Variants in MYO3A observed in about 807,000 individuals in gnomAD.
The protein encoded by MYO3A is myosin-IIIa.
A neutral mutation model predicts 192.7 loss-of-function variants in MYO3A; 180 were observed. The observed-to-expected ratio is 0.93, with a 90% CI of 0.83 to 1.06. The LOEUF is 1.06. Among genes scored for constraint, MYO3A ranks in the 50% least tolerant of loss-of-function variants. MYO3A has a pLI of 0.00. For synonymous variants in MYO3A, 628 were observed against 645.3 expected (o/e 0.97, Z 0.41); for missense variants, 1,896 against 1,905.0 (o/e 1.00, Z 0.09).
intron 21 of MYO3A, among the ~76,000 whole-genome samples, chr10:26,144,338 A>G (rs1840333809): frequency 6.6e-6 from 1 of 152,102 alleles, no homozygotes; most frequent in Non-Finnish European, 1.5e-5. Context: ...GTGGATTCAC[A>G]TCTTTCTGTC....
At chr10:25,954,082 C>T (rs950349435) in intron 3 of MYO3A, among the ~76,000 whole-genome samples, 1 of 151,998 alleles carries the variant, frequency 6.6e-6, no homozygotes, top group Non-Finnish European at 1.5e-5. Context: ...TTTACAGTAA[C>T]CAGCTCTGAC....
At chr10:26,175,355 T>G (rs745847969) in intron 30 of MYO3A, among the ~76,000 whole-genome samples, 3 of 152,266 alleles carry the variant, frequency 2.0e-5, no homozygotes, top group Non-Finnish European at 2.9e-5. Flanking sequence ...AATCACTTTA[T>G]GTGTTAGCAC....
chr10:26,004,778 C>T (rs976265007), intron 6 of MYO3A, among the ~76,000 whole-genome samples: 1 of 152,092 alleles, frequency 6.6e-6, no homozygotes, highest in Non-Finnish European at 1.5e-5. Context: ...ACTAATATTG[C>T]TGGTAATGAT....
intron 20 of MYO3A, among the ~76,000 whole-genome samples, chr10:26,129,371 T>C (rs1283247913): frequency 2.0e-5 from 3 of 152,194 alleles, no homozygotes; most frequent in South Asian, 2.1e-4. Flanking sequence ...CTCTTTTTCA[T>C]CTATCCCAGG....
intron 2 of MYO3A, among the ~76,000 whole-genome samples, chr10:25,946,108 T>TA (rs910376885): frequency 2.6e-5 from 4 of 152,158 alleles, no homozygotes; most frequent in African/African-American, 7.2e-5. Context: ...AAATTCAAGA[T>TA]AAAAAAAGTG....
intron 10 of MYO3A, among the ~76,000 whole-genome samples, chr10:26,057,778 AGT>A (rs1405870993): frequency 6.6e-6 from 1 of 152,216 alleles, no homozygotes; most frequent in African/African-American, 2.4e-5. Flanking sequence ...AATCCAAAGA[AGT>A]GTGATTGAAG....
At chr10:26,087,066 C>G (rs1462010626) in intron 14 of MYO3A, among the ~76,000 whole-genome samples, 1 of 152,118 alleles carries the variant, frequency 6.6e-6, no homozygotes, top group Non-Finnish European at 1.5e-5. Context: ...TTACCAGATG[C>G]AAAAACGAGG....
chr10:26,087,790 T>TAACTCATTAA (rs1427761964), intron 14 of MYO3A, among the ~76,000 whole-genome samples: 1 of 152,214 alleles, frequency 6.6e-6, no homozygotes, highest in Non-Finnish European at 1.5e-5. Context: ...TGAGTTATCT[T>TAACTCATTAA]TCCTCTCTTA....
At chr10:26,084,331 G>A (rs901505976) in intron 14 of MYO3A, among the ~76,000 whole-genome samples, 1 of 152,082 alleles carries the variant, frequency 6.6e-6, no homozygotes, top group Non-Finnish European at 1.5e-5. Flanking sequence ...TATGTTATTG[G>A]ATTTGGTTTG....
At chr10:26,007,480 A>T (rs1588760299) in intron 6 of MYO3A, among the ~76,000 whole-genome samples, 1 of 151,276 alleles carries the variant, frequency 6.6e-6, no homozygotes, top group East Asian at 1.9e-4. Context: ...TATCTAGAAA[A>T]CCCCATCGTC....
At chr10:26,082,738 C>T (rs145451351) in intron 14 of MYO3A, among the ~76,000 whole-genome samples, 9 of 138,764 alleles carry the variant, frequency 6.5e-5, no homozygotes, top group African/African-American at 2.1e-4. Flanking sequence ...AATATGGTCT[C>T]TTTCTCTCTC....
intron 10 of MYO3A, among the ~76,000 whole-genome samples, chr10:26,060,439 A>G (rs12781231): frequency 0.47 from 71,664 of 151,678 alleles, 17,801 homozygotes; most frequent in Middle Eastern, 0.59. Context: ...CTGCACTCCA[A>G]CCTGGGTGAC....
At chr10:26,059,170 C>A (rs887111682) in intron 10 of MYO3A, among the ~76,000 whole-genome samples, 3 of 149,708 alleles carry the variant, frequency 2.0e-5, no homozygotes, top group African/African-American at 7.3e-5. Context: ...TATCAGTATA[C>A]CTTTTAAGTC....
chr10:26,036,289 T>G (rs1006335879), intron 10 of MYO3A, among the ~76,000 whole-genome samples: 2 of 152,038 alleles, frequency 1.3e-5, no homozygotes, highest in Non-Finnish European at 2.9e-5. Context: ...GTGGAAAAAC[T>G]AAGTTTAAGA....
In MYO3A at chr10:25,997,832, A is replaced by G. The variant is rs553859034; in HGVS notation, c.508+574A>G. ...GAGAGGGGAAGAATGGGGGTGTTTG[A>G]TAACATAATTGAGGCACTAAGTCAA... On this transcript the variant is annotated intron_variant, in intron 6 of 34. Coordinates refer to ENST00000642920, the MANE Select transcript of MYO3A (RefSeq NM_017433.5). Among the ~76,000 whole-genome samples the G allele has an allele frequency of 2.1e-4, 32 of 152,352 alleles. No homozygotes were observed. The East Asian group carries it at 3.9e-3, about 18-fold the overall frequency.
At chr10:26,032,857 A>G (rs554790943) in intron 10 of MYO3A, among the ~76,000 whole-genome samples, 7 of 152,268 alleles carry the variant, frequency 4.6e-5, no homozygotes, top group South Asian at 2.1e-4. Flanking sequence ...TTTTTCTTTA[A>G]TGGCTGTGAC....
intron 2 of MYO3A, among the ~76,000 whole-genome samples, chr10:25,938,214 T>C (rs953286708): frequency 6.6e-6 from 1 of 152,192 alleles, no homozygotes; most frequent in South Asian, 2.1e-4. Flanking sequence ...GATATGTGAC[T>C]GTGTATGAGA....
chr10:25,997,377 A>G, intron 6 of MYO3A, 119 bp downstream of exon 6: 1 of 795,908 alleles, frequency 1.3e-6, no homozygotes, highest in South Asian at 1.5e-5. Flanking sequence ...AATCAGTAGT[A>G]TCTTATTGAG....
intron 4 of MYO3A, among the ~76,000 whole-genome samples, chr10:25,980,978 A>G (rs1256070708): frequency 2.0e-5 from 3 of 152,136 alleles, no homozygotes; most frequent in Non-Finnish European, 4.4e-5. Context: ...TGCCCTAAAA[A>G]TTGTCTGTGT....
Sources: allele counts gnomAD v4.1 joint callset (sites outside exome capture counted in the v4.1 genomes callset), GRCh38; gene constraint gnomAD v4.1.1; transcripts MANE v1.5; gene names NCBI Gene and HGNC (gene_info 2026-07-23, HGNC 2026-07-21).